The following CERS6 variants were observed in gnomAD, a reference collection of about 807,000 sequenced individuals.
CERS6 encodes the protein LAG1 homolog, ceramide synthase 6.
A neutral mutation model predicts 56.8 loss-of-function variants in CERS6; 26 were observed. That is an observed-to-expected ratio of 0.46 (90% confidence interval 0.34 to 0.63). CERS6 has a LOEUF of 0.63. CERS6 is among the 30% of genes least tolerant of loss of function. CERS6 has a pLI of 0.01. For missense variants in CERS6, 415 were observed against 467.5 expected (o/e 0.89, Z 1.04); for synonymous variants, 164 against 173.3 (o/e 0.95, Z 0.42).
chr2:168,660,176 G>T (rs1412472319), intron 4 of CERS6, among the ~76,000 whole-genome samples: 1 of 152,178 alleles, frequency 6.6e-6, no homozygotes, highest in Non-Finnish European at 1.5e-5. Context: ...GTATGTAGGG[G>T]CTCTGGGTTG....
chr2:168,639,948 A>G (rs755629534), intron 4 of CERS6, among the ~76,000 whole-genome samples: 1 of 152,174 alleles, frequency 6.6e-6, no homozygotes, highest in African/African-American at 2.4e-5. Context: ...CTTAGGATTT[A>G]TTAGTCAAAA....
intron 4 of CERS6, among the ~76,000 whole-genome samples, chr2:168,634,107 A>T (rs552398136): frequency 6.6e-6 from 1 of 152,228 alleles, no homozygotes. Flanking sequence ...GGAAGTAGAC[A>T]CTACAGAACA....
At chr2:168,766,303 C>G (rs1684727627) in intron 9 of CERS6, 1 of 1,597,306 alleles carries the variant, frequency 6.3e-7, no homozygotes. Flanking sequence ...TTGTTCTCTT[C>G]CTTCTGCTAC....
chr2:168,727,636 GAGA>G (rs1422025702), intron 8 of CERS6, among the ~76,000 whole-genome samples: 3 of 151,942 alleles, frequency 2.0e-5, no homozygotes, highest in African/African-American at 4.8e-5. Context: ...AGACATGTAG[GAGA>G]AGATTAGCTT....
chr2:168,714,176 T>C (rs993549858), intron 6 of CERS6, among the ~76,000 whole-genome samples: 3 of 152,194 alleles, frequency 2.0e-5, no homozygotes, highest in African/African-American at 7.2e-5. Flanking sequence ...CTAACCCTAT[T>C]CATGAGGGTT....
intron 4 of CERS6, among the ~76,000 whole-genome samples, chr2:168,650,824 A>T (rs1211447124): frequency 6.6e-6 from 1 of 152,168 alleles, no homozygotes; most frequent in East Asian, 1.9e-4. Context: ...TCCTACTGTC[A>T]TACAATATTG....
intron 4 of CERS6, among the ~76,000 whole-genome samples, chr2:168,645,142 TAG>T (rs35865470): frequency 0.029 from 373 of 12,672 alleles, 10 homozygotes; most frequent in South Asian, 0.034. Flanking sequence ...TATATATATA[TAG>T]AGAGAGAGAG....
At chr2:168,466,862 T>G (rs1385219069) in intron 1 of CERS6, among the ~76,000 whole-genome samples, 1 of 152,196 alleles carries the variant, frequency 6.6e-6, no homozygotes, top group Non-Finnish European at 1.5e-5. Flanking sequence ...GCAGGAGAGA[T>G]GCATTCCTTC....
chr2:168,687,767 T>C (rs905988754), intron 4 of CERS6, among the ~76,000 whole-genome samples: 1 of 152,220 alleles, frequency 6.6e-6, no homozygotes, highest in Admixed American at 6.5e-5. Flanking sequence ...CCTGGCACAA[T>C]CATGGCTTAT....
At chr2:168,624,346 A>G (rs1161657245) in intron 3 of CERS6, among the ~76,000 whole-genome samples, 1 of 152,194 alleles carries the variant, frequency 6.6e-6, no homozygotes, top group African/African-American at 2.4e-5. Context: ...TAAAATTTTT[A>G]ATATTTAGTA....
intron 1 of CERS6, among the ~76,000 whole-genome samples, chr2:168,497,915 G>T (rs1440452403): frequency 6.6e-6 from 1 of 152,170 alleles, no homozygotes; most frequent in Non-Finnish European, 1.5e-5. Context: ...AGATGCTTGG[G>T]TAAGTGGAGA....
intron 8 of CERS6, among the ~76,000 whole-genome samples, chr2:168,725,355 T>C (rs932503450): frequency 1.2e-4 from 18 of 152,226 alleles, no homozygotes; most frequent in Admixed American, 6.5e-5. Context: ...CACAGTGCAG[T>C]GGTGGGCTGA....
intron 1 of CERS6, among the ~76,000 whole-genome samples, chr2:168,475,842 G>A (rs917734560): frequency 6.6e-6 from 1 of 152,154 alleles, no homozygotes; most frequent in Non-Finnish European, 1.5e-5. Context: ...TGTTCTGTGG[G>A]TCGTGTTTGG....
At chr2:168,464,469 T>G (rs960233603) in intron 1 of CERS6, among the ~76,000 whole-genome samples, 8 of 152,260 alleles carry the variant, frequency 5.3e-5, no homozygotes, top group South Asian at 4.1e-4. Flanking sequence ...CCTTATACTC[T>G]TTTATTTATT....
At chr2:168,675,518 T>C (rs7424633) in intron 4 of CERS6, among the ~76,000 whole-genome samples, 141,688 of 151,952 alleles carry the variant, frequency 0.93, 66,111 homozygotes, top group East Asian at 0.98. Flanking sequence ...CCCAGGGGGC[T>C]GAGGCTGCAG....
intron 1 of CERS6, among the ~76,000 whole-genome samples, chr2:168,483,865 C>T (rs1450083145): frequency 6.6e-6 from 1 of 152,180 alleles, no homozygotes; most frequent in Non-Finnish European, 1.5e-5. Flanking sequence ...CTGGAGAGCT[C>T]ATGAGACCAG....
intron 9 of CERS6, among the ~76,000 whole-genome samples, chr2:168,767,755 T>G (rs1173038287): frequency 6.6e-6 from 1 of 152,172 alleles, no homozygotes; most frequent in Non-Finnish European, 1.5e-5. Context: ...ATTCTCATGT[T>G]AGAGTGTAGT....
chr2:168,609,647 A>G (rs912117437), intron 3 of CERS6, among the ~76,000 whole-genome samples: 2 of 151,914 alleles, frequency 1.3e-5, no homozygotes, highest in South Asian at 2.1e-4. Context: ...AGCCTTGCCC[A>G]TTTTTCCCTG....
rs113063225 is a variant in CERS6 at position 168,634,477 on chromosome 2, A to G, written c.465+3435A>G. ...GCCCAGGCTGGAGTGTAGTGGTGCA[A>G]TCTTGGCCCACTGCAACCTACCCCT... On this transcript the variant is annotated intron_variant, in intron 4 of 9. Coordinates refer to ENST00000305747, the MANE Select transcript of CERS6 (RefSeq NM_203463.3). Among the ~76,000 whole-genome samples, 1,359 of 152,182 alleles carry G rather than the reference A, an allele frequency of 8.9e-3. 9 individuals carry two copies. The highest frequency in any genetic ancestry group is 0.015 in the Non-Finnish European group (992 of 68,000).
Sources: gnomAD v4.1 joint callset for allele counts (sites outside exome capture counted in the v4.1 genomes callset) on GRCh38, gnomAD v4.1.1 for gene constraint, MANE v1.5 for transcripts, NCBI Gene and HGNC (gene_info 2026-07-23, HGNC 2026-07-21) for gene names.